WWOX: variants seen among roughly 807,000 people sequenced by gnomAD.
The protein encoded by WWOX is WW domain containing oxidoreductase, also known as WW domain-containing oxidoreductase.
Under a neutral mutation model 46.2 loss-of-function variants are expected in WWOX, and 69 were observed. That is an observed-to-expected ratio of 1.49 (90% CI 1.23 to 1.82). The LOEUF is 1.82. Among genes scored for constraint, WWOX ranks in the 40% most tolerant of loss-of-function variants. The pLI, the probability that WWOX is intolerant of heterozygous loss-of-function variation, is 0.00. For synonymous variants in WWOX, 359 were observed against 202.6 expected (o/e 1.77, Z -6.56); for missense variants, 919 against 542.6 (o/e 1.69, Z -6.89).
intron 4 of WWOX, among the ~76,000 whole-genome samples, chr16:78,151,138 A>G (rs542844146): frequency 8.4e-4 from 127 of 151,532 alleles, no homozygotes; most frequent in African/African-American, 2.1e-3. Flanking sequence ...CAGCTTCCCA[A>G]TGTGCTAGGA....
chr16:78,351,401 G>A (rs771959626), intron 5 of WWOX, among the ~76,000 whole-genome samples: 1 of 152,170 alleles, frequency 6.6e-6, no homozygotes, highest in Non-Finnish European at 1.5e-5. Flanking sequence ...GACTGCATTG[G>A]TTTAGCCAGA....
chr16:78,987,257 TATTG>T (rs1189438053), intron 8 of WWOX, among the ~76,000 whole-genome samples: 1 of 152,212 alleles, frequency 6.6e-6, no homozygotes, highest in Non-Finnish European at 1.5e-5. Flanking sequence ...GTCCTGGCTT[TATTG>T]ATTGCTTTAG....
In WWOX at chr16:78,681,782, A is replaced by G. The variant is rs547365466; in HGVS notation, c.1056+249030A>G. On this transcript the variant is annotated intron_variant, in intron 8 of 8. Transcript: ENST00000566780. The stretch of plus-strand genomic sequence containing the variant: ...GTGCGCAGTGACTCTGTGGCGTACT[A>G]TCTATTTGGCCTTGGAAAGTTACTC... Among the ~76,000 whole-genome samples the G allele has an allele frequency of 5.3e-5, 8 of 152,260 alleles. No homozygotes were observed. In the South Asian group the frequency reaches 1.0e-3, roughly 20 times the overall value.
At chr16:78,516,761 C>A (rs528531293) in intron 8 of WWOX, among the ~76,000 whole-genome samples, 1 of 152,250 alleles carries the variant, frequency 6.6e-6, no homozygotes, top group South Asian at 2.1e-4. Flanking sequence ...ATGCTCCTTC[C>A]ATTTAAATAA....
chr16:78,677,683 T>G (rs1229727787), intron 8 of WWOX, among the ~76,000 whole-genome samples: 2 of 152,210 alleles, frequency 1.3e-5, no homozygotes, highest in African/African-American at 2.4e-5. Flanking sequence ...GGTCTCTATC[T>G]TATCTCTTGT....
At chr16:78,386,726 ATT>A in intron 5 of WWOX, 132 bp from the exon 6 acceptor site, 3 of 719,636 alleles carry the variant, frequency 4.2e-6, no homozygotes, top group Non-Finnish European at 6.9e-6. Flanking sequence ...CATTCCGATG[ATT>A]TATATTCTCT....
At position 78,707,225 on chromosome 16, in the gene WWOX, C is replaced by G. The variant is rs1597471138; in HGVS notation, c.1056+274473C>G. Among the ~76,000 whole-genome samples the G allele has an allele frequency of 2.6e-5, 4 of 152,226 alleles. 1 individual carries two copies. In the South Asian group the frequency reaches 8.3e-4, roughly 32 times the overall value. ...TTACTCCCATCAGAGCACCATCAGT[C>G]TTTTGGGAATAAAATAATTCCTCAG... is the stretch of plus-strand genomic sequence containing the variant. On this transcript the variant is annotated intron_variant, in intron 8 of 8. Coordinates refer to ENST00000566780, the MANE Select transcript of WWOX (RefSeq NM_016373.4).
chr16:78,157,696 C>T (rs1293139599), intron 4 of WWOX, among the ~76,000 whole-genome samples: 1 of 152,224 alleles, frequency 6.6e-6, no homozygotes, highest in African/African-American at 2.4e-5. Flanking sequence ...TTAAATTGTG[C>T]TCCAGAGTCC....
intron 8 of WWOX, among the ~76,000 whole-genome samples, chr16:79,031,830 GATAT>G (rs10581989): frequency 7.3e-6 from 1 of 137,480 alleles, no homozygotes; most frequent in East Asian, 2.0e-4. Context: ...ATCTATATAT[GATAT>G]ATATATCTTA....
intron 8 of WWOX, among the ~76,000 whole-genome samples, chr16:78,708,406 G>A (rs1316815528): frequency 6.6e-6 from 1 of 152,276 alleles, no homozygotes; most frequent in Admixed American, 6.5e-5. Context: ...ACCTACCTGT[G>A]ACATCTTTTT....
chr16:79,018,523 C>A (rs975001029), intron 8 of WWOX, among the ~76,000 whole-genome samples: 1 of 152,164 alleles, frequency 6.6e-6, no homozygotes, highest in South Asian at 2.1e-4. Flanking sequence ...TGACAATGGT[C>A]TGATTAATTG....
At chr16:78,746,455 G>A (rs1305744232) in intron 8 of WWOX, among the ~76,000 whole-genome samples, 1 of 152,148 alleles carries the variant, frequency 6.6e-6, no homozygotes, top group Non-Finnish European at 1.5e-5. Context: ...CCATGATCAT[G>A]CCACTACACT....
intron 8 of WWOX, among the ~76,000 whole-genome samples, chr16:79,142,197 G>A (rs75450260): frequency 6.6e-6 from 1 of 151,726 alleles, no homozygotes; most frequent in Admixed American, 6.6e-5. Context: ...AGGTGACCAA[G>A]CAGACATGGC....
chr16:78,279,965 AG>A lies in WWOX; in HGVS notation c.517-106894del, dbSNP rs2079646744. On this transcript the variant is annotated intron_variant, in intron 5 of 8. Transcript: ENST00000566780. ...CTCCTTATGGAAAACAGGAAACCAC[AG>A]ATGAATCAAATGAATCCGTTTCCCC... 2.6e-5 allele frequency among the ~76,000 whole-genome samples: 4 copies of A among 152,352 alleles called. No homozygotes were observed. The South Asian group carries it at 8.3e-4, about 32-fold the overall frequency.
intron 8 of WWOX, among the ~76,000 whole-genome samples, chr16:78,834,467 A>G (rs1363568039): frequency 6.6e-6 from 1 of 152,166 alleles, no homozygotes; most frequent in African/African-American, 2.4e-5. Context: ...TGAGAGGTGT[A>G]TAGGTTGCCA....
At chr16:79,110,286 C>T (rs2049392032) in intron 8 of WWOX, among the ~76,000 whole-genome samples, 1 of 152,134 alleles carries the variant, frequency 6.6e-6, no homozygotes, top group African/African-American at 2.4e-5. Flanking sequence ...CCTCCTACTT[C>T]CCCGCCACCT....
chr16:78,768,279 TA>T (rs56280651), intron 8 of WWOX, among the ~76,000 whole-genome samples: 1,147 of 91,950 alleles, frequency 0.012, 22 homozygotes, highest in African/African-American at 0.037. Flanking sequence ...ATAGATGAGT[TA>T]AAAAAAAAAA....
chr16:78,487,369 C>T (rs190052489), intron 8 of WWOX, among the ~76,000 whole-genome samples: 12 of 152,232 alleles, frequency 7.9e-5, no homozygotes, highest in African/African-American at 2.6e-4. Flanking sequence ...TCCCCAATTC[C>T]GTATCCCATC....
At chr16:78,164,670 C>A (rs2034914334) in intron 5 of WWOX, among the ~76,000 whole-genome samples, 1 of 152,172 alleles carries the variant, frequency 6.6e-6, no homozygotes, top group Non-Finnish European at 1.5e-5. Context: ...TTACTTTTCT[C>A]TGTCTATGTA....
Sources: gnomAD v4.1 joint callset for allele counts (sites outside exome capture counted in the v4.1 genomes callset) on GRCh38, gnomAD v4.1.1 for gene constraint, MANE v1.5 for transcripts, NCBI Gene and HGNC (gene_info 2026-07-23, HGNC 2026-07-21) for gene names.